Variants in USP24 observed in about 807,000 individuals in gnomAD.
USP24 encodes ubiquitin carboxyl-terminal hydrolase 24.
A neutral mutation model predicts 361.6 loss-of-function variants in USP24; 97 were observed. The observed-to-expected ratio is 0.27, with a 90% CI of 0.23 to 0.32. USP24 has a LOEUF of 0.32. Ranked by LOEUF, USP24 falls within the 10% of genes least tolerant of loss-of-function variation. The pLI, the probability that USP24 is intolerant of heterozygous loss-of-function variation, is 1.00. For missense variants in USP24, 2,353 were observed against 3,165.6 expected, an observed-to-expected ratio of 0.74 and a Z score of 6.16; for synonymous variants, 1,098 against 1,124.6, an observed-to-expected ratio of 0.98 and a Z score of 0.47.
chr1:55,096,396 A>G, intron 50 of USP24, 102 bp downstream of exon 50: 1 of 1,029,600 alleles, frequency 9.7e-7, no homozygotes, highest in South Asian at 3.0e-5. Context: ...TACAATAAAA[A>G]TAACAAAATC....
intron 7 of USP24, among the ~76,000 whole-genome samples, chr1:55,164,988 T>C (rs1463467371): frequency 6.6e-6 from 1 of 152,056 alleles, no homozygotes; most frequent in Non-Finnish European, 1.5e-5. Context: ...TCTGCATCAG[T>C]GTCTGTGATA....
At chr1:55,210,788 A>G (rs1185470928) in intron 1 of USP24, among the ~76,000 whole-genome samples, 1 of 152,194 alleles carries the variant, frequency 6.6e-6, no homozygotes. Flanking sequence ...GAACATCCAC[A>G]TTAAAACAGG....
chr1:55,188,936 C>CCTGGACAA (rs1437359593), intron 1 of USP24, among the ~76,000 whole-genome samples: 1 of 128,004 alleles, frequency 7.8e-6, no homozygotes, highest in Admixed American at 8.4e-5. Context: ...TGCACTCCAG[C>CCTGGACAA]CTGGACAACA....
Position 55,068,356 on chromosome 1 carries a change from A to T in USP24, c.*689T>A, listed in dbSNP as rs1416174532. On this transcript the variant is annotated 3_prime_UTR_variant, in exon 68 of 68. Transcript: ENST00000294383. ...CAGCATTTTCAAAATTGCTCTTTTC[A>T]ATCTAATTATATCAGAAAAATATCT... The T allele has an allele frequency of 2.6e-5, 4 of 152,176 alleles. No homozygotes were observed. The highest frequency in any genetic ancestry group is 5.9e-5 in the Non-Finnish European group (4 of 68,026). 9.4% of individuals were successfully genotyped at this position (152,176 alleles called of 1,614,324 possible).
At chr1:55,203,478 C>T (rs1041301809) in intron 1 of USP24, among the ~76,000 whole-genome samples, 2 of 152,182 alleles carry the variant, frequency 1.3e-5, no homozygotes, top group African/African-American at 4.8e-5. Context: ...GTTTCAACTG[C>T]TAGTTCTGCT....
intron 4 of USP24, 111 bp downstream of exon 4, chr1:55,172,266 A>C (rs774798998): frequency 2.8e-6 from 3 of 1,052,958 alleles, no homozygotes; most frequent in Non-Finnish European, 3.8e-6. Context: ...CTAACAGCTA[A>C]TATCCTTAAC....
At chr1:55,150,102 GA>G (rs1293279294) in intron 16 of USP24, among the ~76,000 whole-genome samples, 2 of 151,904 alleles carry the variant, frequency 1.3e-5, no homozygotes, top group African/African-American at 4.8e-5. Context: ...ACTCAATTAT[GA>G]AAAAAAGCAA....
At chr1:55,168,455 A>G (rs1273471155) in intron 5 of USP24, among the ~76,000 whole-genome samples, 2 of 152,144 alleles carry the variant, frequency 1.3e-5, no homozygotes, top group African/African-American at 4.8e-5. Context: ...GCTTAAAACG[A>G]AGAGAAAGCA....
chr1:55,149,038 C>T (rs1006129905), intron 16 of USP24, among the ~76,000 whole-genome samples: 2 of 152,028 alleles, frequency 1.3e-5, no homozygotes, highest in Admixed American at 1.3e-4. Context: ...TGGTAGTGGT[C>T]TAAATATTAA....
chr1:55,214,044 C>T (rs900002348), intron 1 of USP24, among the ~76,000 whole-genome samples: 12 of 151,938 alleles, frequency 7.9e-5, no homozygotes, highest in African/African-American at 2.7e-4. Context: ...AATTCCAGTC[C>T]CCATCCCTGC....
intron 55 of USP24, among the ~76,000 whole-genome samples, chr1:55,089,408 T>C (rs1251651010): frequency 6.6e-6 from 1 of 152,186 alleles, no homozygotes; most frequent in Non-Finnish European, 1.5e-5. Context: ...TGGCAGGCGA[T>C]CTGCCTCACA....
chr1:55,150,943 A>C (rs1647177000), intron 16 of USP24, among the ~76,000 whole-genome samples: 1 of 152,212 alleles, frequency 6.6e-6, no homozygotes, highest in African/African-American at 2.4e-5. Context: ...GAAGCCTTAG[A>C]GGTCAGTTGG....
rs371864747 is a variant in USP24 at position 55,071,789 on chromosome 1, C to T, written c.7800+25G>A. On this transcript the variant is annotated intron_variant, in intron 67 of 67. Coordinates refer to ENST00000294383, the MANE Select transcript of USP24 (RefSeq NM_015306.3). ...CTTAAGAGCAAGGCTGCCCTTTGCA[C>T]ACAAGGACATGCTGACCGTTATACC... 173 of 1,595,800 alleles carry T rather than the reference C, an allele frequency of 1.1e-4. No individual in the cohort carries two copies. The Middle Eastern group carries it at 2.0e-3, about 18-fold the overall frequency.
At chr1:55,138,010 G>A (rs1646786037) in intron 26 of USP24, 106 bp from the exon 27 acceptor site, 2 of 1,072,158 alleles carry the variant, frequency 1.9e-6, no homozygotes, top group Non-Finnish European at 2.7e-6. Context: ...TAGAAGCTGG[G>A]AACACAGCAG....
intron 3 of USP24, among the ~76,000 whole-genome samples, chr1:55,174,227 C>T (rs1206117121): frequency 2.6e-5 from 4 of 152,032 alleles, no homozygotes; most frequent in Non-Finnish European, 5.9e-5. Context: ...TGTGACAGCT[C>T]GTGAGAAAAG....
intron 1 of USP24, among the ~76,000 whole-genome samples, chr1:55,193,355 A>G (rs1000889472): frequency 3.3e-5 from 5 of 152,164 alleles, no homozygotes; most frequent in Non-Finnish European, 5.9e-5. Context: ...CTCCCCACAG[A>G]AACCAAGGGA....
Position 55,115,867 on chromosome 1 carries a change from G to C in USP24, c.4508+4729C>G, listed in dbSNP as rs183149783. On this transcript the variant is annotated intron_variant, in intron 38 of 67. Transcript: ENST00000294383. ...AAAGGATGAGTTCATACCCTTTGCAGGGACACAGATGAAGCTGGAAATCAT... is the reference window on the plus strand; with the variant it reads ...AAAGGATGAGTTCATACCCTTTGCACGGACACAGATGAAGCTGGAAATCAT... Among the ~76,000 whole-genome samples, 479 of 152,270 alleles carry C rather than the reference G, an allele frequency of 3.1e-3. 3 individuals carry two copies. The highest frequency in any genetic ancestry group is 0.011 in the African/African-American group (466 of 41,542).
intron 6 of USP24, 120 bp downstream of exon 6, chr1:55,166,448 C>T: frequency 1.0e-6 from 1 of 975,644 alleles, no homozygotes; most frequent in Non-Finnish European, 1.5e-6. Flanking sequence ...AAATCCACTC[C>T]TTAAAGCATT....
Position 55,125,412 on chromosome 1 carries a change from G to C in USP24, c.3868C>G (p.Pro1290Ala). The change falls in exon 34 of 68, where the codon CCA (proline) becomes GCA (alanine). Residue 1290 changes from proline (P) to alanine (A), a missense_variant. By Grantham distance (27) the Pro-to-Ala change is conservative (BLOSUM62 -1). Around this residue, in one of 8 missense-constraint regions of USP24, gnomAD observed 949 missense variants for 1,280.5 expected, o/e 0.74. Coordinates refer to ENST00000294383, the MANE Select transcript of USP24 (RefSeq NM_015306.3). ...TSRQMSLCGT[P>A]EKSSYRQLSV... ...AACTGTCGGTAGGATGACTTTTCTG[G>C]GGTACCACATAAGGACATCTGTCTG... The C allele has an allele frequency of 2.5e-6, 4 of 1,613,864 alleles. No individual in the cohort carries two copies. Among genetic ancestry groups the C allele is most frequent in the Non-Finnish European group, 3.4e-6 (4 of 1,179,868 alleles).
Sources: gnomAD v4.1 joint callset for allele counts (sites outside exome capture counted in the v4.1 genomes callset) on GRCh38, gnomAD v4.1.1 for gene constraint, gnomAD v4.1.1 regional missense constraint, MANE v1.5 for transcripts, NCBI Gene and HGNC (gene_info 2026-07-23, HGNC 2026-07-21) for gene names.